ARHGAP18: variants seen among roughly 807,000 people sequenced by gnomAD.
ARHGAP18 encodes Rho GTPase activating protein 18.
A neutral mutation model predicts 86.2 loss-of-function variants in ARHGAP18; 67 were observed. The ratio of observed to expected loss-of-function variants is 0.78; its 90% CI spans 0.64 to 0.95. The LOEUF is 0.95. Ranked by LOEUF, ARHGAP18 falls within the 40% of genes least tolerant of loss-of-function variation. The pLI is 0.00. For synonymous variants in ARHGAP18, 283 were observed against 280.4 expected (o/e 1.01, Z -0.09); for missense variants, 691 against 780.4 (o/e 0.89, Z 1.37).
chr6:129,634,238 G>A lies in ARHGAP18; in HGVS notation c.553-133C>T, dbSNP rs537858408. 3.9e-5 allele frequency: 26 copies of A among 659,728 alleles called. No homozygotes were observed. The African/African-American group carries it at 4.3e-4, about 11-fold the overall frequency. The allele number at this position is 659,728 out of a possible 1,614,324, so 40.9% of individuals were successfully genotyped here. Reference sequence around the variant, plus strand: ...AATTATAACAATCACAGTGAAAAAGGGGCACTAAGATAATAATCAACAAGC... The same window carrying A: ...AATTATAACAATCACAGTGAAAAAGAGGCACTAAGATAATAATCAACAAGC... On this transcript the variant is annotated intron_variant, in intron 3 of 14. Transcript: ENST00000368149.
At position 129,577,712 on chromosome 6, in the gene ARHGAP18, T is replaced by C. The variant is rs1306217886; in HGVS notation, c.*801A>G. ...CAGCTATGACTTTTAAAATTCCATT[T>C]AGAAGAGTACAGTAGACAGAAAGTG... On this transcript the variant is annotated 3_prime_UTR_variant, in exon 15 of 15. Transcript: ENST00000368149. The C allele has an allele frequency of 6.6e-6, 1 of 152,220 alleles. No individual in the cohort carries two copies. Among genetic ancestry groups the C allele is most frequent in the East Asian group, 1.9e-4 (1 of 5,202 alleles). 9.4% of individuals were successfully genotyped at this position (152,220 alleles called of 1,614,324 possible).
At chr6:129,626,030 CTA>C (rs1208046297) in intron 5 of ARHGAP18, among the ~76,000 whole-genome samples, 2 of 97,082 alleles carry the variant, frequency 2.1e-5, no homozygotes, top group African/African-American at 3.9e-5. Flanking sequence ...ATATAGCTAT[CTA>C]TATATATACA....
intron 5 of ARHGAP18, among the ~76,000 whole-genome samples, chr6:129,621,382 T>C (rs944190737): frequency 1.1e-4 from 16 of 152,194 alleles, no homozygotes; most frequent in Non-Finnish European, 2.2e-4. Context: ...GTGTTTTTTT[T>C]CCTAGGAGAA....
At chr6:129,655,317 CAAAAAAAAA>C (rs55681217) in intron 1 of ARHGAP18, among the ~76,000 whole-genome samples, 1,141 of 75,104 alleles carry the variant, frequency 0.015, 23 homozygotes, top group African/African-American at 0.051. Flanking sequence ...AAAACTCTCT[CAAAAAAAAA>C]AAAAAAAAAA....
At chr6:129,708,732 G>T (rs1218973240) in intron 1 of ARHGAP18, among the ~76,000 whole-genome samples, 2 of 152,114 alleles carry the variant, frequency 1.3e-5, no homozygotes, top group Non-Finnish European at 2.9e-5. Flanking sequence ...GTTATGGCTG[G>T]GTATGGGGTT....
chr6:129,581,911 G>A (rs1478379230), intron 13 of ARHGAP18, among the ~76,000 whole-genome samples: 1 of 152,066 alleles, frequency 6.6e-6, no homozygotes, highest in Non-Finnish European at 1.5e-5. Context: ...ATGCTGCATG[G>A]TCATTTTCCT....
chr6:129,629,361 T>C lies in ARHGAP18; in HGVS notation c.778A>G (p.Thr260Ala), dbSNP rs1328270716. The C allele has an allele frequency of 2.5e-6, 4 of 1,613,694 alleles. No homozygotes were observed. Among genetic ancestry groups the C allele is most frequent in the African/African-American group, 1.3e-5 (1 of 74,968 alleles). The change falls in exon 5 of 15, where the codon ACA (threonine) becomes GCA (alanine). Residue 260 changes from threonine (T) to alanine (A), a missense_variant. Thr to Ala is a moderately conservative substitution (Grantham distance 58). Transcript: ENST00000368149. The stretch of plus-strand genomic sequence containing the variant: ...AAGAGTGTACTACGTACAGGTAATG[T>C]GGCATCATCGCCTTTGCTCTTCTGG... Reference protein sequence around the residue: ...KIQKSKGDDATLPSFRLPKDK... With the variant: ...KIQKSKGDDAALPSFRLPKDK...
chr6:129,592,922 C>T (rs367668676), intron 12 of ARHGAP18, among the ~76,000 whole-genome samples: 10 of 152,018 alleles, frequency 6.6e-5, no homozygotes, highest in East Asian at 1.9e-4. Flanking sequence ...AAAATGTGTT[C>T]GATTGTTGAT....
At chr6:129,676,341 A>C (rs926813169) in intron 1 of ARHGAP18, among the ~76,000 whole-genome samples, 5 of 152,196 alleles carry the variant, frequency 3.3e-5, no homozygotes, top group Admixed American at 1.3e-4. Flanking sequence ...AGGGGGGGCA[A>C]CAGGTCCAAT....
At chr6:129,682,924 T>G (rs1274682436) in intron 1 of ARHGAP18, among the ~76,000 whole-genome samples, 1 of 152,218 alleles carries the variant, frequency 6.6e-6, no homozygotes, top group Non-Finnish European at 1.5e-5. Context: ...CTTGATAATA[T>G]TACTATATTC....
chr6:129,651,098 T>A (rs1417779310), intron 1 of ARHGAP18, among the ~76,000 whole-genome samples: 4 of 152,202 alleles, frequency 2.6e-5, no homozygotes, highest in Non-Finnish European at 4.4e-5. Context: ...ACTGTTCAAT[T>A]ATTAAAGTAC....
At chr6:129,589,651 C>A (rs1459192565) in intron 12 of ARHGAP18, among the ~76,000 whole-genome samples, 2 of 152,176 alleles carry the variant, frequency 1.3e-5, no homozygotes, top group East Asian at 1.9e-4. Flanking sequence ...GTTCCAAAAT[C>A]ACTTCCACAT....
At position 129,640,991 on chromosome 6, in the gene ARHGAP18, G is replaced by A. The variant is rs149943747; in HGVS notation, c.316+825C>T. The stretch of plus-strand genomic sequence containing the variant: ...TCCCAGAATATCAAATATTATAGCA[G>A]AGAATGGGAAATATGGCTGGAAAGT... On this transcript the variant is annotated intron_variant, in intron 2 of 14. Coordinates refer to ENST00000368149, the MANE Select transcript of ARHGAP18 (RefSeq NM_033515.3). 2.9e-3 allele frequency among the ~76,000 whole-genome samples: 445 copies of A among 152,292 alleles called. 2 individuals carry two copies. The highest frequency in any genetic ancestry group is 0.01 in the African/African-American group (424 of 41,550).
chr6:129,616,739 G>C (rs1414236171), intron 6 of ARHGAP18, among the ~76,000 whole-genome samples: 2 of 152,100 alleles, frequency 1.3e-5, no homozygotes, highest in Admixed American at 1.3e-4. Context: ...CTTGAGCCCA[G>C]GAGTTCAAGA....
At position 129,599,245 on chromosome 6, in the gene ARHGAP18, AT is replaced by A. The variant is rs1248579679; in HGVS notation, c.1683del (p.Lys561AsnfsTer18). 1.3e-6 allele frequency: 2 copies of A among 1,584,384 alleles called. No homozygotes were observed. The highest frequency in any genetic ancestry group is 1.2e-5 in the South Asian group (1 of 85,872). ...TTTGTACTCTTATCTTGCTTTTCAT[AT>A]TTTTCTCGGTCATAAGCCATTTTCT... ...LLKKMAYDRE[K>X]YEKQDKSTND... is the part of the protein sequence containing the mutation. On this transcript the variant is annotated frameshift_variant, in exon 12 of 15. Transcript: ENST00000368149. LOFTEE classifies it high-confidence loss of function.
At chr6:129,616,848 TG>T (rs1451835401) in intron 6 of ARHGAP18, among the ~76,000 whole-genome samples, 1 of 151,962 alleles carries the variant, frequency 6.6e-6, no homozygotes. Flanking sequence ...CCCAGCTACT[TG>T]GGGGGCTGAG....
chr6:129,672,392 A>T (rs1162334392), intron 1 of ARHGAP18, among the ~76,000 whole-genome samples: 2 of 151,504 alleles, frequency 1.3e-5, no homozygotes, highest in Admixed American at 1.3e-4. Flanking sequence ...CTTCCTTCCC[A>T]CTCCCAACTC....
intron 1 of ARHGAP18, among the ~76,000 whole-genome samples, chr6:129,704,309 G>A (rs531906074): frequency 1.3e-5 from 2 of 152,170 alleles, no homozygotes; most frequent in South Asian, 2.1e-4. Flanking sequence ...GCCAGGCATG[G>A]TAGCAGGCAC....
chr6:129,688,087 C>T (rs912796297), intron 1 of ARHGAP18, among the ~76,000 whole-genome samples: 1 of 152,204 alleles, frequency 6.6e-6, no homozygotes, highest in African/African-American at 2.4e-5. Context: ...CCCAATTCTT[C>T]AGTCAAGATT....
Sources: allele counts gnomAD v4.1 joint callset (sites outside exome capture counted in the v4.1 genomes callset), GRCh38; gene constraint gnomAD v4.1.1; transcripts MANE v1.5; gene names NCBI Gene and HGNC (gene_info 2026-07-23, HGNC 2026-07-21).